C1orf21: variants seen among roughly 807,000 people sequenced by gnomAD.
The protein encoded by C1orf21 is chromosome 1 open reading frame 21.
C1orf21 carries 3 observed loss-of-function variants against 18.7 expected under a neutral mutation model. That is an observed-to-expected ratio of 0.16 (90% CI 0.07 to 0.42). The LOEUF (loss-of-function observed/expected upper bound fraction) is 0.42. Ranked by LOEUF, C1orf21 falls within the 10% of genes least tolerant of loss-of-function variation. C1orf21 has a pLI of 0.99. For missense variants in C1orf21, 104 were observed against 143.6 expected (o/e 0.72, Z 1.41); for synonymous variants, 41 against 46.4 (o/e 0.88, Z 0.47).
chr1:184,494,459 G>T (rs1305367130), intron 2 of C1orf21, among the ~76,000 whole-genome samples: 1 of 152,196 alleles, frequency 6.6e-6, no homozygotes, highest in South Asian at 2.1e-4. Flanking sequence ...GAGTGAAGCA[G>T]TTGACCAGTT....
At chr1:184,497,736 A>G (rs1657913434) in intron 2 of C1orf21, among the ~76,000 whole-genome samples, 1 of 152,216 alleles carries the variant, frequency 6.6e-6, no homozygotes, top group African/African-American at 2.4e-5. Context: ...TTTTGCAGCC[A>G]CTGAATTCTT....
At chr1:184,530,600 C>CTTTTTTTTTTTTTTT (rs1184327589) in intron 3 of C1orf21, among the ~76,000 whole-genome samples, 14 of 111,450 alleles carry the variant, frequency 1.3e-4, no homozygotes, top group Non-Finnish European at 2.2e-4. Context: ...TTTCTTTTTT[C>CTTTTTTTTTTTTTTT]TTTTTTTTTT....
intron 3 of C1orf21, among the ~76,000 whole-genome samples, chr1:184,571,953 G>A (rs1659119378): frequency 6.6e-6 from 1 of 152,130 alleles, no homozygotes; most frequent in Admixed American, 6.5e-5. Context: ...GTTGTTATGA[G>A]GATTGAATGA....
chr1:184,573,977 C>T (rs1659149730), intron 3 of C1orf21, among the ~76,000 whole-genome samples: 3 of 152,096 alleles, frequency 2.0e-5, no homozygotes, highest in African/African-American at 4.8e-5. Flanking sequence ...GGCAGATCAC[C>T]TGAGGTCAGG....
At chr1:184,562,553 T>C (rs1168055244) in intron 3 of C1orf21, among the ~76,000 whole-genome samples, 1 of 152,200 alleles carries the variant, frequency 6.6e-6, no homozygotes, top group Non-Finnish European at 1.5e-5. Flanking sequence ...ATTCACCCCA[T>C]ACGGGAGAAG....
rs1557989649 is a variant in C1orf21, at chr1:184,507,571, CT to C, written c.95-10del. ...GGAAAAAAATTATAAAATGTGTTTT[CT>C]TTTTTTGGCACTCAGATGAGTATAG... On this transcript the variant is annotated splice_polypyrimidine_tract_variant and intron_variant, in intron 2 of 5. Transcript: ENST00000235307. 5.1e-6 allele frequency: 8 copies of C among 1,565,044 alleles called. No homozygotes were observed. Among genetic ancestry groups the C allele is most frequent in the East Asian group, 4.7e-5 (2 of 42,942 alleles).
At chr1:184,457,490 A>G (rs1387895756) in intron 1 of C1orf21, among the ~76,000 whole-genome samples, 2 of 152,062 alleles carry the variant, frequency 1.3e-5, no homozygotes, top group East Asian at 1.9e-4. Flanking sequence ...CATAGATTCT[A>G]TTTCTTTCGG....
intron 1 of C1orf21, among the ~76,000 whole-genome samples, chr1:184,418,163 CTT>C (rs79320878): frequency 0.15 from 22,830 of 152,076 alleles, 1,749 homozygotes; most frequent in African/African-American, 0.17. Context: ...TCAACTAAAA[CTT>C]TGGTCCACCA....
intron 1 of C1orf21, among the ~76,000 whole-genome samples, chr1:184,460,336 T>C (rs1394965579): frequency 6.6e-6 from 1 of 152,186 alleles, no homozygotes; most frequent in Non-Finnish European, 1.5e-5. Flanking sequence ...AATGTTTACA[T>C]CACAAATAAA....
intron 1 of C1orf21, among the ~76,000 whole-genome samples, chr1:184,421,982 A>T (rs1409717128): frequency 2.0e-5 from 3 of 152,204 alleles, no homozygotes; most frequent in East Asian, 3.8e-4. Flanking sequence ...GCATATGTGC[A>T]TGGATGAAAG....
At chr1:184,600,681 T>C (rs1201321543) in intron 5 of C1orf21, among the ~76,000 whole-genome samples, 1 of 152,206 alleles carries the variant, frequency 6.6e-6, no homozygotes, top group Non-Finnish European at 1.5e-5. Context: ...AGAGCATTGG[T>C]AGATTCAACA....
intron 2 of C1orf21, among the ~76,000 whole-genome samples, chr1:184,507,139 A>C (rs1224819448): frequency 6.6e-6 from 1 of 152,010 alleles, no homozygotes; most frequent in Non-Finnish European, 1.5e-5. Context: ...GTTTTTTCAA[A>C]AGGGAAATTA....
chr1:184,469,793 A>G (rs923879456), intron 1 of C1orf21, among the ~76,000 whole-genome samples: 1 of 152,232 alleles, frequency 6.6e-6, no homozygotes. Context: ...AGCTTGAAAT[A>G]TCTTCTGACT....
chr1:184,584,124 GTTC>G lies in C1orf21; in HGVS notation c.190-6606_190-6604del, dbSNP rs199839062. Among the ~76,000 whole-genome samples the G allele has an allele frequency of 5.0e-4, 57 of 114,166 alleles. 2 individuals are homozygous for G. Among genetic ancestry groups the G allele is most frequent in the East Asian group, 1.0e-3 (4 of 3,886 alleles). 74.9% of individuals were successfully genotyped at this position (114,166 alleles called of 152,430 possible). ...TCCAGCCCTGTTGGTTTGTTTGCTT[GTTC>G]TTCTTCTTTTTTTTTTTTTTTTTTT... On this transcript the variant is annotated intron_variant, in intron 3 of 5. Transcript: ENST00000235307.
chr1:184,465,695 A>G (rs191568073), intron 1 of C1orf21, among the ~76,000 whole-genome samples: 205 of 152,268 alleles, frequency 1.3e-3, no homozygotes, highest in African/African-American at 4.7e-3. Context: ...GGGCCACCCA[A>G]TGGAGGGCTC....
At chr1:184,447,936 G>A (rs1055679444) in intron 1 of C1orf21, among the ~76,000 whole-genome samples, 3 of 151,954 alleles carry the variant, frequency 2.0e-5, no homozygotes, top group South Asian at 2.1e-4. Context: ...CCTGACCTCC[G>A]TCCTCAGACC....
intron 1 of C1orf21, among the ~76,000 whole-genome samples, chr1:184,464,486 C>G (rs1441645321): frequency 6.6e-6 from 1 of 152,182 alleles, no homozygotes; most frequent in South Asian, 2.1e-4. Flanking sequence ...AAAGACAGTC[C>G]CCTGCTCACC....
chr1:184,529,758 G>A (rs1452080052), intron 3 of C1orf21, among the ~76,000 whole-genome samples: 1 of 152,178 alleles, frequency 6.6e-6, no homozygotes, highest in African/African-American at 2.4e-5. Context: ...ATTTAAAGAA[G>A]TGAGGAGCGG....
chr1:184,580,304 G>A (rs951717631), intron 3 of C1orf21, among the ~76,000 whole-genome samples: 1 of 152,158 alleles, frequency 6.6e-6, no homozygotes, highest in Non-Finnish European at 1.5e-5. Context: ...TCAGGTTCTC[G>A]ATCTCACTTA....
Sources: allele counts gnomAD v4.1 joint callset (sites outside exome capture counted in the v4.1 genomes callset), GRCh38; gene constraint gnomAD v4.1.1; transcripts MANE v1.5; gene names NCBI Gene and HGNC (gene_info 2026-07-23, HGNC 2026-07-21).